Variants in EXOC6 observed in about 807,000 individuals in gnomAD.
EXOC6 encodes the protein SEC15-like 1.
In EXOC6, 60 loss-of-function variants were observed where a neutral mutation model predicts 112.5. That is an observed-to-expected ratio of 0.53 (90% CI 0.43 to 0.66). The LOEUF is 0.66. EXOC6 is among the 30% of genes least tolerant of loss of function. The pLI, the probability that EXOC6 is intolerant of heterozygous loss-of-function variation, is 0.00. For missense variants in EXOC6, 855 were observed against 957.1 expected (o/e 0.89, Z 1.41); for synonymous variants, 295 against 308.0 (o/e 0.96, Z 0.44).
chr10:92,848,525 C>G lies in EXOC6; in HGVS notation c.-9C>G. 5.2e-6 allele frequency: 7 copies of G among 1,350,886 alleles called. No individual in the cohort carries two copies. The highest frequency in any genetic ancestry group is 2.0e-4 in the Middle Eastern group (1 of 4,886). 83.7% of individuals were successfully genotyped at this position (1,350,886 alleles called of 1,614,324 possible). On this transcript the variant is annotated 5_prime_UTR_variant, in exon 1 of 22. Transcript: ENST00000260762. ...CCGCGCCTCGCTGGCTCCTCAGCTT[C>G]CAGCCAAAATGGCGGAGAACAGCGA...
At chr10:92,835,383 T>G (rs1428254753) in intron 1 of EXOC6, among the ~76,000 whole-genome samples, 3 of 152,262 alleles carry the variant, frequency 2.0e-5, no homozygotes, top group Non-Finnish European at 4.4e-5. Flanking sequence ...TGGGTATTAA[T>G]TTTCACAGTT....
At chr10:92,911,639 C>G (rs1186216197) in intron 6 of EXOC6, among the ~76,000 whole-genome samples, 1 of 152,082 alleles carries the variant, frequency 6.6e-6, no homozygotes, top group East Asian at 1.9e-4. Flanking sequence ...TCTTGGTCCA[C>G]TATCATTTTT....
chr10:92,878,655 T>C (rs1201285652), intron 1 of EXOC6, among the ~76,000 whole-genome samples: 1 of 152,158 alleles, frequency 6.6e-6, no homozygotes, highest in East Asian at 1.9e-4. Flanking sequence ...TGCCAAATTA[T>C]CATTTTTAGA....
chr10:92,916,541 A>G (rs1302264612), intron 7 of EXOC6, among the ~76,000 whole-genome samples: 1 of 152,142 alleles, frequency 6.6e-6, no homozygotes, highest in East Asian at 1.9e-4. Flanking sequence ...CAACTATCTT[A>G]CAAGGTCAAT....
chr10:92,833,329 C>T (rs953693696), upstream of EXOC6, among the ~76,000 whole-genome samples: 15 of 152,210 alleles, frequency 9.9e-5, no homozygotes, highest in African/African-American at 3.6e-4. Context: ...GTGGGGATGA[C>T]TCTATCTCAT....
intron 1 of EXOC6, among the ~76,000 whole-genome samples, chr10:92,865,706 C>G (rs1848141048): frequency 6.6e-6 from 1 of 151,982 alleles, no homozygotes; most frequent in Non-Finnish European, 1.5e-5. Context: ...CTCGGCCTCC[C>G]AAAGTGCTGG....
At chr10:92,831,287 T>A (rs1846470527), upstream of EXOC6, 1 of 1,286,812 alleles carries the variant, frequency 7.8e-7, no homozygotes, top group South Asian at 1.2e-5. Context: ...ACCTTGAATC[T>A]CCAGGCTGAG....
chr10:92,946,893 A>G (rs191393791), intron 13 of EXOC6, among the ~76,000 whole-genome samples: 10 of 152,218 alleles, frequency 6.6e-5, no homozygotes, highest in Admixed American at 2.0e-4. Flanking sequence ...TCTGATAGTC[A>G]CTTCCTTCTT....
intron 18 of EXOC6, among the ~76,000 whole-genome samples, chr10:92,980,579 T>G (rs555371693): frequency 6.6e-6 from 1 of 152,330 alleles, no homozygotes; most frequent in African/African-American, 2.4e-5. Flanking sequence ...TACAGCCACT[T>G]GAAAATGTTC....
At chr10:92,853,475 C>A (rs1180514253) in intron 1 of EXOC6, among the ~76,000 whole-genome samples, 1 of 152,104 alleles carries the variant, frequency 6.6e-6, no homozygotes, top group Non-Finnish European at 1.5e-5. Flanking sequence ...TTGGAGGACC[C>A]ATAGACCTGA....
rs56350604 is a variant in EXOC6 at position 92,909,704 on chromosome 10, C to A, written c.663+73C>A. The A allele has an allele frequency of 3.3e-3, 2,885 of 870,948 alleles. 49 individuals are homozygous for A. The African/African-American group carries it at 0.044, about 13-fold the overall frequency. 54.0% of individuals were successfully genotyped at this position (870,948 alleles called of 1,614,324 possible). A position where few individuals can be genotyped will look rare whatever the true frequency, so the allele number is the denominator to read the frequency against. ...TCTGGAAAATATCCAAGGTTTACTT[C>A]TTTAACTTACATAAAATGCTTATTT... On this transcript the variant is annotated intron_variant, in intron 6 of 21. Transcript: ENST00000260762.
intron 1 of EXOC6, among the ~76,000 whole-genome samples, chr10:92,889,567 A>T (rs571721171): frequency 5.9e-5 from 9 of 152,098 alleles, no homozygotes; most frequent in Admixed American, 3.9e-4. Context: ...TCTTTTCTCT[A>T]TTGTATTACC....
intron 1 of EXOC6, among the ~76,000 whole-genome samples, chr10:92,838,502 C>T (rs3740380): frequency 0.41 from 62,836 of 152,028 alleles, 13,550 homozygotes; most frequent in African/African-American, 0.52. Flanking sequence ...GTGTTTAAGG[C>T]CCATAGCATT....
chr10:93,033,083 G>T (rs907937570), intron 20 of EXOC6, among the ~76,000 whole-genome samples: 1 of 152,010 alleles, frequency 6.6e-6, no homozygotes, highest in African/African-American at 2.4e-5. Context: ...GGCCTTGAGG[G>T]TTTTGTTAAG....
chr10:92,855,223 A>T (rs79163544), intron 1 of EXOC6, among the ~76,000 whole-genome samples: 3,357 of 149,330 alleles, frequency 0.022, 56 homozygotes, highest in African/African-American at 0.042. Flanking sequence ...TGGCATGAAA[A>T]TTTTTTTTTT....
chr10:92,924,305 G>A (rs955420831), intron 8 of EXOC6, among the ~76,000 whole-genome samples: 2 of 152,132 alleles, frequency 1.3e-5, no homozygotes, highest in African/African-American at 4.8e-5. Flanking sequence ...ATCATTTGCT[G>A]TAAAGAAAAA....
At chr10:92,854,810 G>GTT (rs1003604686) in intron 1 of EXOC6, among the ~76,000 whole-genome samples, 4 of 151,904 alleles carry the variant, frequency 2.6e-5, no homozygotes, top group African/African-American at 9.7e-5. Context: ...ATTTTGATCT[G>GTT]TTTTTTGTGT....
chr10:92,973,733 T>C (rs985271603), intron 17 of EXOC6, among the ~76,000 whole-genome samples: 3 of 152,248 alleles, frequency 2.0e-5, no homozygotes, highest in African/African-American at 7.2e-5. Flanking sequence ...TTGGCAACTT[T>C]CGTTTTTCTA....
At chr10:92,861,209 A>G (rs1248692956) in intron 1 of EXOC6, among the ~76,000 whole-genome samples, 2 of 152,142 alleles carry the variant, frequency 1.3e-5, no homozygotes, top group Non-Finnish European at 2.9e-5. Context: ...CTTTGTACTT[A>G]CCTTCTACCT....
Sources: allele counts gnomAD v4.1 joint callset (sites outside exome capture counted in the v4.1 genomes callset), GRCh38; gene constraint gnomAD v4.1.1; transcripts MANE v1.5; gene names NCBI Gene and HGNC (gene_info 2026-07-23, HGNC 2026-07-21).